Variants in DNMBP observed in about 807,000 individuals in gnomAD.
The protein encoded by DNMBP is dynamin binding protein, also known as dynamin-binding protein.
DNMBP carries 87 observed loss-of-function variants against 150.0 expected under a neutral mutation model. That is an observed-to-expected ratio of 0.58 (90% CI 0.49 to 0.69). The LOEUF (loss-of-function observed/expected upper bound fraction) is 0.69. Among genes scored for constraint, DNMBP ranks in the 30% least tolerant of loss-of-function variants. The pLI is 0.00. For synonymous variants in DNMBP, 711 were observed against 750.4 expected (o/e 0.95, Z 0.86); for missense variants, 1,774 against 1,949.0 (o/e 0.91, Z 1.69).
intron 1 of DNMBP, among the ~76,000 whole-genome samples, chr10:100,002,659 G>A (rs116585021): frequency 2.3e-3 from 350 of 152,084 alleles, no homozygotes; most frequent in African/African-American, 8.0e-3. Flanking sequence ...AACTTGTATT[G>A]GAATCTTGAG....
At chr10:99,906,732 C>G (rs1016895175) in intron 6 of DNMBP, among the ~76,000 whole-genome samples, 8 of 152,102 alleles carry the variant, frequency 5.3e-5, no homozygotes, top group Admixed American at 1.3e-4. Context: ...TCCCTGAGCC[C>G]CAGATGATGG....
In DNMBP at chr10:99,986,283, G is replaced by A. The variant is rs375568479; in HGVS notation, c.-10-14149C>T. Among the ~76,000 whole-genome samples, 115 of 152,172 alleles carry A rather than the reference G, an allele frequency of 7.6e-4. 1 individual carries two copies. The highest frequency in any genetic ancestry group is 2.7e-3 in the African/African-American group (114 of 41,508). ...CCAGTTCTTTGGGAGGCCAAGGTGG[G>A]AGGGTTGCTTGAGGCCAGGAGTTCA... is the stretch of plus-strand genomic sequence containing the variant. On this transcript the variant is annotated intron_variant, in intron 1 of 16. Coordinates refer to ENST00000324109, the MANE Select transcript of DNMBP (RefSeq NM_015221.4).
At chr10:99,964,474 C>A (rs12769742) in intron 3 of DNMBP, among the ~76,000 whole-genome samples, 31,160 of 150,406 alleles carry the variant, frequency 0.21, 4,078 homozygotes, top group Non-Finnish European at 0.29. Flanking sequence ...CTCCACCCCC[C>A]ACCTTTCTTT....
At chr10:99,912,152 T>G (rs907930997) in intron 4 of DNMBP, among the ~76,000 whole-genome samples, 1 of 152,204 alleles carries the variant, frequency 6.6e-6, no homozygotes, top group Admixed American at 6.5e-5. Flanking sequence ...GGTTATATAG[T>G]GAGTAAATGG....
At chr10:100,002,434 A>G (rs1378922861) in intron 1 of DNMBP, among the ~76,000 whole-genome samples, 4 of 152,198 alleles carry the variant, frequency 2.6e-5, no homozygotes, top group East Asian at 1.9e-4. Flanking sequence ...AGCCACCTCA[A>G]TATTTCTTGA....
intron 4 of DNMBP, among the ~76,000 whole-genome samples, chr10:99,951,441 C>T (rs1589435114): frequency 6.6e-6 from 1 of 152,158 alleles, no homozygotes; most frequent in African/African-American, 2.4e-5. Context: ...ACAGCTTGCA[C>T]CGTGTGCCTG....
At chr10:99,966,148 C>G (rs2040616878) in intron 3 of DNMBP, among the ~76,000 whole-genome samples, 3 of 152,122 alleles carry the variant, frequency 2.0e-5, no homozygotes, top group Admixed American at 1.3e-4. Context: ...ATCCTCCAAG[C>G]CTTGTGTTTC....
At chr10:99,921,445 G>A in intron 4 of DNMBP, among the ~76,000 whole-genome samples, 1 of 152,152 alleles carries the variant, frequency 6.6e-6, no homozygotes, top group Admixed American at 6.5e-5. Context: ...TTAGATTCTG[G>A]AAATACCATC....
At chr10:99,971,044 G>A (rs1169130795) in intron 2 of DNMBP, among the ~76,000 whole-genome samples, 5 of 147,040 alleles carry the variant, frequency 3.4e-5, no homozygotes, top group African/African-American at 1.2e-4. Context: ...GGAATAACAT[G>A]TTTTGAGAAG....
Position 99,988,731 on chromosome 10 carries a change from G to A in DNMBP, c.-10-16597C>T, listed in dbSNP as rs145780013. 9.7e-3 allele frequency among the ~76,000 whole-genome samples: 1,481 copies of A among 151,974 alleles called. 14 individuals are homozygous for A. The highest frequency in any genetic ancestry group is 0.023 in the African/African-American group (959 of 41,448). Reference sequence around the variant, plus strand: ...GGCTGGAGTGCAGTGGTTCAATCTTGGCTCACTGCAACCTCTGCCTCCTGG... The same window carrying A: ...GGCTGGAGTGCAGTGGTTCAATCTTAGCTCACTGCAACCTCTGCCTCCTGG... On this transcript the variant is annotated intron_variant, in intron 1 of 16. Coordinates refer to ENST00000324109, the MANE Select transcript of DNMBP (RefSeq NM_015221.4).
At position 99,895,160 on chromosome 10, in the gene DNMBP, CTT is replaced by C. The variant is rs1170932934; in HGVS notation, c.3052-112_3052-111del. On this transcript the variant is annotated intron_variant, in intron 10 of 16. Coordinates refer to ENST00000324109, the MANE Select transcript of DNMBP (RefSeq NM_015221.4). ...TTTTTTGTGGAGACGGAGTTTTGCT[CTT>C]GTCGTCCAGGTTGGAGTGCAATGGC... 9 of 617,044 alleles carry C rather than the reference CTT, an allele frequency of 1.5e-5. No homozygotes were observed. In the Admixed American group the frequency reaches 2.3e-4, roughly 16 times the overall value. 38.2% of individuals were successfully genotyped at this position (617,044 alleles called of 1,614,324 possible).
At chr10:99,935,087 C>CAAAAAAAAAA (rs71009790) in intron 4 of DNMBP, among the ~76,000 whole-genome samples, 41 of 48,540 alleles carry the variant, frequency 8.4e-4, no homozygotes, top group Non-Finnish European at 8.9e-4. Context: ...CCTGTCTCCA[C>CAAAAAAAAAA]AAAAAAAAAA....
At chr10:100,007,930 A>G (rs2041092885) in intron 1 of DNMBP, among the ~76,000 whole-genome samples, 1 of 152,276 alleles carries the variant, frequency 6.6e-6, no homozygotes, top group Admixed American at 6.5e-5. Flanking sequence ...TGGTGTTGCA[A>G]AACTTTCCAG....
intron 4 of DNMBP, among the ~76,000 whole-genome samples, chr10:99,944,872 C>G (rs912021546): frequency 3.3e-4 from 50 of 151,882 alleles, no homozygotes; most frequent in Admixed American, 3.3e-3. Flanking sequence ...TAATTGAAGT[C>G]TACATTATTT....
At chr10:99,950,874 C>A (rs201527097) in intron 4 of DNMBP, among the ~76,000 whole-genome samples, 3 of 152,196 alleles carry the variant, frequency 2.0e-5, no homozygotes, top group East Asian at 1.9e-4. Flanking sequence ...AAGAGAAAAA[C>A]CAGCTGCAGA....
intron 4 of DNMBP, among the ~76,000 whole-genome samples, chr10:99,928,457 C>T (rs1000198074): frequency 1.3e-5 from 2 of 152,112 alleles, no homozygotes; most frequent in African/African-American, 4.8e-5. Context: ...TTGGCCAGAA[C>T]CAGAAAGGCC....
chr10:99,951,344 TAC>T (rs2040420614), intron 4 of DNMBP, among the ~76,000 whole-genome samples: 1 of 152,184 alleles, frequency 6.6e-6, no homozygotes, highest in South Asian at 2.1e-4. Flanking sequence ...TCAGAGCCTC[TAC>T]ACAGAGTCCC....
intron 3 of DNMBP, among the ~76,000 whole-genome samples, chr10:99,964,852 C>CA (rs757972594): frequency 8.7e-4 from 127 of 145,572 alleles, no homozygotes; most frequent in Non-Finnish European, 1.6e-3. Context: ...GCCTGGGCGA[C>CA]AGTGTGAGAC....
At chr10:99,953,807 C>A in intron 4 of DNMBP, among the ~76,000 whole-genome samples, 1 of 53,308 alleles carries the variant, frequency 1.9e-5, no homozygotes, top group Admixed American at 1.7e-4. Flanking sequence ...GAGTAAGACT[C>A]TGTCTCAAAA....
Sources: gnomAD v4.1 joint callset for allele counts (sites outside exome capture counted in the v4.1 genomes callset) on GRCh38, gnomAD v4.1.1 for gene constraint, MANE v1.5 for transcripts, NCBI Gene and HGNC (gene_info 2026-07-23, HGNC 2026-07-21) for gene names.